Variants in IGSF3 observed in about 807,000 individuals in gnomAD.
The protein encoded by IGSF3 is glu-Trp-Ile EWI motif-containing protein 3.
Under a neutral mutation model 114.4 loss-of-function variants are expected in IGSF3, and 23 were observed. The observed-to-expected ratio is 0.20, with a 90% CI of 0.14 to 0.28. The LOEUF (loss-of-function observed/expected upper bound fraction) is 0.28. IGSF3 is among the 10% of genes least tolerant of loss of function. The pLI is 1.00. For missense variants in IGSF3, 1,172 were observed against 1,591.5 expected, an observed-to-expected ratio of 0.74 and a Z score of 4.48; for synonymous variants, 571 against 645.2, an observed-to-expected ratio of 0.88 and a Z score of 1.74.
At position 116,662,971 on chromosome 1, in the gene IGSF3, C is replaced by T. The variant is rs115507778; in HGVS notation, c.43+3313G>A. The stretch of plus-strand genomic sequence containing the variant: ...TAAGAGATGGCTTCCTCAGCCTTAC[C>T]GTATTCAAAGAAGAGACTTCCCAAA... On this transcript the variant is annotated intron_variant, in intron 2 of 10. Coordinates refer to ENST00000369486, the MANE Select transcript of IGSF3 (RefSeq NM_001007237.3). This position sits in a 1 kb window ranked among gnomAD's most constrained non-coding sequence, Gnocchi z 4.3. Among the ~76,000 whole-genome samples the T allele has an allele frequency of 7.3e-4, 111 of 152,302 alleles. No individual in the cohort carries two copies. The highest frequency in any genetic ancestry group is 2.3e-3 in the African/African-American group (96 of 41,572).
At position 116,636,020 on chromosome 1, in the gene IGSF3, G is replaced by A. The variant is rs75799164; in HGVS notation, c.44-19563C>T. On this transcript the variant is annotated intron_variant, in intron 2 of 10. Transcript: ENST00000369486. This position sits in a 1 kb window ranked among gnomAD's most constrained non-coding sequence, Gnocchi z 4.5. ...TAAGTGTTTGTGGGATGAATCAACCGGTTATTCTCCTGAACACCCTTTCCC... is the reference window on the plus strand; with the variant it reads ...TAAGTGTTTGTGGGATGAATCAACCAGTTATTCTCCTGAACACCCTTTCCC... Among the ~76,000 whole-genome samples, 23 of 152,228 alleles carry A rather than the reference G, an allele frequency of 1.5e-4. No homozygotes were observed. The East Asian group carries it at 3.9e-3, about 26-fold the overall frequency.
At position 116,584,442 on chromosome 1, in the gene IGSF3, T is replaced by C. The variant is rs1003765147; in HGVS notation, c.2848+203A>G. 1 of 585,450 alleles carries C rather than the reference T, an allele frequency of 1.7e-6. No individual in the cohort carries two copies. Among genetic ancestry groups the C allele is most frequent in the African/African-American group, 1.9e-5 (1 of 53,812 alleles). 36.3% of individuals were successfully genotyped at this position (585,450 alleles called of 1,614,324 possible). A position where few individuals can be genotyped will look rare whatever the true frequency, so the allele number is the denominator to read the frequency against. Reference sequence around the variant, plus strand: ...ATTCTATTTAAGAAATCAAATCACCTTAGGCCAAAGCCAGACGTGCAATTT... The same window carrying C: ...ATTCTATTTAAGAAATCAAATCACCCTAGGCCAAAGCCAGACGTGCAATTT... On this transcript the variant is annotated intron_variant, in intron 9 of 10. Coordinates refer to ENST00000369486, the MANE Select transcript of IGSF3 (RefSeq NM_001007237.3). The surrounding 1 kb of genome is among the most constrained non-coding windows in gnomAD (Gnocchi z 5.8).
Position 116,579,737 on chromosome 1 carries a change from C to G in IGSF3, c.2989G>C (p.Ala997Pro). Reference sequence around the variant, plus strand: ...CCAGGGCTGCTCCTTTTCCCCCCAGCTTTAGTCCTCAGGGAATACCAGGCC... The same window carrying G: ...CCAGGGCTGCTCCTTTTCCCCCCAGGTTTAGTCCTCAGGGAATACCAGGCC... ...AVAWYSLRTK[A>P]GGKRSSPGLE... The change falls in exon 10 of 11, where the codon GCT becomes CCT. Residue 997 changes from alanine (A) to proline (P), a missense_variant. Coordinates refer to ENST00000369486, the MANE Select transcript of IGSF3 (RefSeq NM_001007237.3). The surrounding 1 kb of genome is among the most constrained non-coding windows in gnomAD (Gnocchi z 6.4). 2 of 1,614,156 alleles carry G rather than the reference C, an allele frequency of 1.2e-6. No homozygotes were observed.
In IGSF3 at chr1:116,588,846, C is replaced by T. The variant is rs200127721; in HGVS notation, c.2288G>A (p.Gly763Asp). The T allele has an allele frequency of 2.5e-6, 4 of 1,614,082 alleles. No homozygotes were observed. Among genetic ancestry groups the T allele is most frequent in the Non-Finnish European group, 3.4e-6 (4 of 1,179,930 alleles). ...TCTCTGGACGGTGAGGCTGAACAGGCCCCCCGACACATGCCTCTCAAACTG... is the reference window on the plus strand; with the variant it reads ...TCTCTGGACGGTGAGGCTGAACAGGTCCCCCGACACATGCCTCTCAAACTG... ...RLQFERHVSG[G>D]LFSLTVQRAE... Residue 763 changes from glycine (G) to aspartate (D), a missense_variant, in exon 8 of 11, where the codon GGC becomes GAC. Gly to Asp is a moderately conservative substitution (Grantham distance 94, BLOSUM62 -1). Around this residue, in one of 3 missense-constraint regions of IGSF3, gnomAD observed 736 missense variants for 1,042.0 expected, o/e 0.71. Coordinates refer to ENST00000369486, the MANE Select transcript of IGSF3 (RefSeq NM_001007237.3). The surrounding 1 kb of genome is among the most constrained non-coding windows in gnomAD (Gnocchi z 4.9).
At chr1:116,631,211 G>A (rs1458270905) in intron 2 of IGSF3, among the ~76,000 whole-genome samples, 1 of 132,876 alleles carries the variant, frequency 7.5e-6, no homozygotes, top group African/African-American at 2.5e-5. Context: ...CCAGCTACTT[G>A]AGAGGCTGAG....
rs2101428066 is a variant in IGSF3, at chr1:116,600,211, C to A, written c.1759G>T (p.Val587Leu). ...AAGTCATGGAACTCCACCGTGCCCA[C>A]CGGCTGGAACCGCCATGTCACCGAC... is the stretch of plus-strand genomic sequence containing the variant. ...PVSVTWRFQP[V>L]GTVEFHDLVT... is the part of the protein sequence containing the mutation. The change falls in exon 7 of 11, where the codon GTG (valine) becomes TTG (leucine). Residue 587 changes from valine (V) to leucine (L), a missense_variant. Val to Leu is a conservative substitution (Grantham distance 32, BLOSUM62 1). Coordinates refer to ENST00000369486, the MANE Select transcript of IGSF3 (RefSeq NM_001007237.3). The surrounding 1 kb of genome is among the most constrained non-coding windows in gnomAD (Gnocchi z 5.5). 1 of 1,614,080 alleles carries A rather than the reference C, an allele frequency of 6.2e-7. No individual in the cohort carries two copies. The highest frequency in any genetic ancestry group is 8.5e-7 in the Non-Finnish European group (1 of 1,180,026).
At position 116,594,741 on chromosome 1, in the gene IGSF3, C is replaced by T. The variant is rs1045925126; in HGVS notation, c.2029+5200G>A. Reference sequence around the variant, plus strand: ...GGACTTCTTGATCCCTGCCAGCTTGCCTGGGGGTGAACCCTCCCCAGACCC... The same window carrying T: ...GGACTTCTTGATCCCTGCCAGCTTGTCTGGGGGTGAACCCTCCCCAGACCC... On this transcript the variant is annotated intron_variant, in intron 7 of 10. Transcript: ENST00000369486. The surrounding 1 kb of genome is among the most constrained non-coding windows in gnomAD (Gnocchi z 5.2). Among the ~76,000 whole-genome samples, 9 of 152,100 alleles carry T rather than the reference C, an allele frequency of 5.9e-5. No individual in the cohort carries two copies. Among genetic ancestry groups the T allele is most frequent in the African/African-American group, 2.2e-4 (9 of 41,392 alleles).
rs1157029354 is a variant in IGSF3 at position 116,629,591 on chromosome 1, G to A, written c.44-13134C>T. Among the ~76,000 whole-genome samples the A allele has an allele frequency of 2.6e-5, 4 of 152,124 alleles. No individual in the cohort carries two copies. On this transcript the variant is annotated intron_variant, in intron 2 of 10. Coordinates refer to ENST00000369486, the MANE Select transcript of IGSF3 (RefSeq NM_001007237.3). The surrounding 1 kb of genome is among the most constrained non-coding windows in gnomAD (Gnocchi z 4.3). ...GGCCAAGGAGCCTGAAGTGGGGGAG[G>A]GGGGCTGATGTGAAATAGGGAATGG...
chr1:116,620,571 G>A (rs1661385473), intron 2 of IGSF3, among the ~76,000 whole-genome samples: 1 of 152,144 alleles, frequency 6.6e-6, no homozygotes, highest in Admixed American at 6.5e-5. Flanking sequence ...TCCAGGGCTA[G>A]GTCATAAAAA....
At chr1:116,604,547 T>C (rs1379483397) in intron 5 of IGSF3, among the ~76,000 whole-genome samples, 1 of 152,186 alleles carries the variant, frequency 6.6e-6, no homozygotes, top group African/African-American at 2.4e-5. Flanking sequence ...ACAGTAAGTA[T>C]TGGGACGATA....
chr1:116,604,650 A>G (rs1206874631), intron 5 of IGSF3, among the ~76,000 whole-genome samples: 2 of 152,222 alleles, frequency 1.3e-5, no homozygotes, highest in Non-Finnish European at 2.9e-5. Flanking sequence ...ATTAACACAC[A>G]GGAACAAAAC....
In IGSF3 at chr1:116,666,552, A is replaced by G; in HGVS notation, c.-226T>C. On this transcript the variant is annotated 5_prime_UTR_variant, in exon 2 of 11. Coordinates refer to ENST00000369486, the MANE Select transcript of IGSF3 (RefSeq NM_001007237.3). ...CTCCCCTATGCTACAGGAAGGGTCC[A>G]CAACAATTCGGAAGTCGCTCCCGGC... The G allele has an allele frequency of 3.3e-6, 2 of 604,694 alleles. No individual in the cohort carries two copies. The highest frequency in any genetic ancestry group is 5.9e-6 in the Non-Finnish European group (2 of 340,668). 37.5% of individuals were successfully genotyped at this position (604,694 alleles called of 1,614,324 possible).
chr1:116,603,517 G>C lies in IGSF3; in HGVS notation c.1624+107C>G. 4.7e-6 allele frequency: 5 copies of C among 1,062,100 alleles called. No individual in the cohort carries two copies. The highest frequency in any genetic ancestry group is 5.6e-6 in the Non-Finnish European group (4 of 717,628). The allele number at this position is 1,062,100 out of a possible 1,614,324, so 65.8% of individuals were successfully genotyped here. ...CTTCAAACTCTATAGGTAAAAGACT[G>C]GCCATAGTTTCCTGCTAAAACTCTG... is the stretch of plus-strand genomic sequence containing the variant. On this transcript the variant is annotated intron_variant, in intron 6 of 10. Transcript: ENST00000369486. This position sits in a 1 kb window ranked among gnomAD's most constrained non-coding sequence, Gnocchi z 7.1.
intron 10 of IGSF3, among the ~76,000 whole-genome samples, chr1:116,578,541 T>G (rs1471488470): frequency 1.3e-5 from 2 of 152,216 alleles, no homozygotes; most frequent in Non-Finnish European, 2.9e-5. Context: ...TCTAACACAA[T>G]GTGAGCACGG....
Position 116,600,192 on chromosome 1 carries a change from T to A in IGSF3, c.1778A>T (p.His593Leu), listed in dbSNP as rs1041995568. ...RFQPVGTVEF[H>L]DLVTFTRDGG... ...GTCCCGGGTGAAGGTCACCAAGTCA[T>A]GGAACTCCACCGTGCCCACCGGCTG... is the stretch of plus-strand genomic sequence containing the variant. Residue 593 changes from histidine to leucine, a missense_variant, in exon 7 of 11, where the codon CAT becomes CTT. Around this residue, in one of 3 missense-constraint regions of IGSF3, gnomAD observed 736 missense variants for 1,042.0 expected, o/e 0.71. Transcript: ENST00000369486. The surrounding 1 kb of genome is among the most constrained non-coding windows in gnomAD (Gnocchi z 5.5). 9.9e-6 allele frequency: 16 copies of A among 1,614,002 alleles called. No homozygotes were observed. Among genetic ancestry groups the A allele is most frequent in the Non-Finnish European group, 1.4e-5 (16 of 1,180,042 alleles).
chr1:116,645,480 G>A (rs1276095002), intron 2 of IGSF3, among the ~76,000 whole-genome samples: 1 of 152,230 alleles, frequency 6.6e-6, no homozygotes. Flanking sequence ...ATTTTAAACT[G>A]GTGAGTTCCG....
At position 116,627,231 on chromosome 1, in the gene IGSF3, G is replaced by C. The variant is rs1469242391; in HGVS notation, c.44-10774C>G. Among the ~76,000 whole-genome samples the C allele has an allele frequency of 6.6e-6, 1 of 152,118 alleles. No individual in the cohort carries two copies. The highest frequency in any genetic ancestry group is 2.4e-5 in the African/African-American group (1 of 41,406). On this transcript the variant is annotated intron_variant, in intron 2 of 10. Transcript: ENST00000369486. The surrounding 1 kb of genome is among the most constrained non-coding windows in gnomAD (Gnocchi z 4.7). ...AGCTTAGAGTGAGTTCCAGTAAAAG[G>C]ACCATCACTCGAACCAGTAAGTGCC...
At chr1:116,604,880 G>C (rs1479425868) in intron 5 of IGSF3, among the ~76,000 whole-genome samples, 3 of 152,254 alleles carry the variant, frequency 2.0e-5, no homozygotes, top group African/African-American at 7.2e-5. Context: ...CTGTAAGACA[G>C]GTAGAGAGCC....
rs972962385 is a variant in IGSF3 at position 116,625,592 on chromosome 1, T to C, written c.44-9135A>G. ...AAGAAGACGGATCAGATTTACGCTT[T>C]CGAATTATCACTCTGGTGGCAGGTG... is the stretch of plus-strand genomic sequence containing the variant. On this transcript the variant is annotated intron_variant, in intron 2 of 10. Transcript: ENST00000369486. The surrounding 1 kb of genome is among the most constrained non-coding windows in gnomAD (Gnocchi z 4.7). 6.6e-6 allele frequency among the ~76,000 whole-genome samples: 1 copy of C among 152,218 alleles called. No homozygotes were observed. The highest frequency in any genetic ancestry group is 1.5e-5 in the Non-Finnish European group (1 of 68,054).
Sources: gnomAD v4.1 joint callset for allele counts (sites outside exome capture counted in the v4.1 genomes callset) on GRCh38, gnomAD v4.1.1 for gene constraint, gnomAD v4.1.1 regional missense constraint, Gnocchi (gnomAD v3.1) non-coding constraint, MANE v1.5 for transcripts, NCBI Gene and HGNC (gene_info 2026-07-23, HGNC 2026-07-21) for gene names.